The following CARD14 variants were observed in gnomAD, a reference collection of about 807,000 sequenced individuals.
CARD14 encodes caspase recruitment domain-containing protein 14.
CARD14 carries 107 observed loss-of-function variants against 111.5 expected under a neutral mutation model. That is an observed-to-expected ratio of 0.96 (90% CI 0.82 to 1.13). The LOEUF is 1.13. CARD14 is among the 50% of genes most tolerant of loss of function. CARD14 has a pLI of 0.00. For synonymous variants in CARD14, 617 were observed against 579.6 expected, an observed-to-expected ratio of 1.06 and a Z score of -0.93; for missense variants, 1,322 against 1,362.3, an observed-to-expected ratio of 0.97 and a Z score of 0.47.
At position 80,181,717 on chromosome 17, in the gene CARD14, TC is replaced by T. The variant is rs369197913; in HGVS notation, c.211+69del. ...GGCCCACATGGCTCCACTGTCTGCC[TC>T]TGTCTTCAGGGGGTCTCTTCTCGTC... On this transcript the variant is annotated intron_variant, in intron 5 of 23. Coordinates refer to ENST00000648509, the MANE Select transcript of CARD14 (RefSeq NM_001366385.1). The T allele has an allele frequency of 3.5e-5, 49 of 1,404,608 alleles. 1 individual carries two copies. In the African/African-American group the frequency reaches 6.1e-4, roughly 17 times the overall value. The allele number at this position is 1,404,608 out of a possible 1,614,324, so 87.0% of individuals were successfully genotyped here. A position where few individuals can be genotyped will look rare whatever the true frequency, so the allele number is the denominator to read the frequency against.
chr17:80,200,283 C>T (rs1290763441), intron 16 of CARD14, among the ~76,000 whole-genome samples: 2 of 126,990 alleles, frequency 1.6e-5, no homozygotes, highest in East Asian at 4.9e-4. Flanking sequence ...GTCGCCCAGG[C>T]TGGAGTGCAG....
At position 80,202,337 on chromosome 17, in the gene CARD14, C is replaced by T. The variant is rs1261708229; in HGVS notation, c.2136C>T (p.Gly712=). ...ACGTCACCGACACCATGTTCCAGGGCTGCGGCTGCTGGCATGCCCACCGCG... is the reference window on the plus strand; with the variant it reads ...ACGTCACCGACACCATGTTCCAGGGTTGCGGCTGCTGGCATGCCCACCGCG... ...VLHVTDTMFQ[G]CGCWHAHRVN... The change falls in exon 18 of 24, where the codon GGC becomes GGT. Residue 712 remains glycine (G), a synonymous_variant. Transcript: ENST00000648509. 6.2e-7 allele frequency: 1 copy of T among 1,613,456 alleles called. No individual in the cohort carries two copies. Among genetic ancestry groups the T allele is most frequent in the East Asian group, 2.2e-5 (1 of 44,876 alleles).
Position 80,182,670 on chromosome 17 carries a change from C to T in CARD14, c.229C>T (p.Leu77=). 6.2e-7 allele frequency: 1 copy of T among 1,614,142 alleles called. No homozygotes were observed. Among genetic ancestry groups the T allele is most frequent in the Non-Finnish European group, 8.5e-7 (1 of 1,179,996 alleles). ...AMRAGHLLDL[L]KTRGKNGAIA... ...CTCCCAAGGGCACTTGCTGGATTTG[C>T]TGAAGACTCGAGGGAAGAACGGGGC... Residue 77 remains leucine, a synonymous_variant, in exon 6 of 24, where the codon CTG becomes TTG. Coordinates refer to ENST00000648509, the MANE Select transcript of CARD14 (RefSeq NM_001366385.1). This position sits in a 1 kb window ranked among gnomAD's most constrained non-coding sequence, Gnocchi z 4.7.
At position 80,195,563 on chromosome 17, in the gene CARD14, G is replaced by T; in HGVS notation, c.1505G>T (p.Cys502Phe). 6.2e-7 allele frequency: 1 copy of T among 1,611,134 alleles called. No individual in the cohort carries two copies. Among genetic ancestry groups the T allele is most frequent in the South Asian group, 1.1e-5 (1 of 90,856 alleles). The part of the protein sequence containing the change: ...FGEEPWSFSS[C>F]LEIPEGDPGA... Reference sequence around the variant, plus strand: ...CTGCTGCTTATGCTTTGCAGCAGCTGCCTGGAGATCCCGGAGGGAGACCCG... The same window carrying T: ...CTGCTGCTTATGCTTTGCAGCAGCTTCCTGGAGATCCCGGAGGGAGACCCG... The change falls in exon 14 of 24, where the codon TGC (cysteine) becomes TTC (phenylalanine). Residue 502 changes from cysteine (C) to phenylalanine (F), a missense_variant. By Grantham distance (205) the Cys-to-Phe change is radical. Coordinates refer to ENST00000648509, the MANE Select transcript of CARD14 (RefSeq NM_001366385.1). This position sits in a 1 kb window ranked among gnomAD's most constrained non-coding sequence, Gnocchi z 4.7.
Position 80,188,187 on chromosome 17 carries a change from C to T in CARD14, c.676-190C>T. ...TAAGACAGAGCTGAAAGGCCTCTGT[C>T]CTCCCAGCCCCAGTTGAATATTTGG... On this transcript the variant is annotated intron_variant, in intron 7 of 23. Transcript: ENST00000648509. The surrounding 1 kb of genome is among the most constrained non-coding windows in gnomAD (Gnocchi z 4.5). 1.7e-6 allele frequency: 1 copy of T among 581,796 alleles called. No individual in the cohort carries two copies. Among genetic ancestry groups the T allele is most frequent in the Non-Finnish European group, 2.6e-6 (1 of 377,386 alleles). The allele number at this position is 581,796 out of a possible 1,614,324, so 36.0% of individuals were successfully genotyped here.
In CARD14 at chr17:80,183,929, C is replaced by A; in HGVS notation, c.366C>A (p.Ser122=). 1 of 1,519,520 alleles carries A rather than the reference C, an allele frequency of 6.6e-7. No homozygotes were observed. The highest frequency in any genetic ancestry group is 2.3e-5 in the East Asian group (1 of 43,368). The allele number at this position is 1,519,520 out of a possible 1,614,324, so 94.1% of individuals were successfully genotyped here. A position where few individuals can be genotyped will look rare whatever the true frequency, so the allele number is the denominator to read the frequency against. ...TGCCCACAGGTCTCATGGAGACATCCAAGCTGACCGAGTGCCTGGCTGGGG... is the reference window on the plus strand; with the variant it reads ...TGCCCACAGGTCTCATGGAGACATCAAAGCTGACCGAGTGCCTGGCTGGGG... The part of the protein sequence containing the change: ...FSNFSGLMET[S]KLTECLAGAI... The change falls in exon 7 of 24, where the codon TCC becomes TCA. Residue 122 remains serine, a synonymous_variant. Coordinates refer to ENST00000648509, the MANE Select transcript of CARD14 (RefSeq NM_001366385.1).
At chr17:80,185,391 A>AT (rs1303378440) in intron 7 of CARD14, among the ~76,000 whole-genome samples, 1 of 152,066 alleles carries the variant, frequency 6.6e-6, no homozygotes, top group African/African-American at 2.4e-5. Context: ...TTTGTTTTTA[A>AT]TTTTTTACTT....
At position 80,192,491 on chromosome 17, in the gene CARD14, T is replaced by C. The variant is rs2040558879; in HGVS notation, c.1240-12T>C. The C allele has an allele frequency of 1.2e-6, 2 of 1,609,454 alleles. No homozygotes were observed. Among genetic ancestry groups the C allele is most frequent in the African/African-American group, 1.3e-5 (1 of 74,858 alleles). On this transcript the variant is annotated splice_polypyrimidine_tract_variant and intron_variant, in intron 11 of 23. Transcript: ENST00000648509. ...CCCGAATTAACCAGCCTGTCTGGCC[T>C]GTCTTTGGCAGCTCAAGCAGGAAGC...
rs1367570617 is a variant in CARD14, at chr17:80,189,990, A to T, written c.963+118A>T. 2.2e-6 allele frequency: 3 copies of T among 1,387,882 alleles called. No homozygotes were observed. The African/African-American group carries it at 4.6e-5, about 21-fold the overall frequency. The allele number at this position is 1,387,882 out of a possible 1,614,324, so 86.0% of individuals were successfully genotyped here. A position where few individuals can be genotyped will look rare whatever the true frequency, so the allele number is the denominator to read the frequency against. On this transcript the variant is annotated intron_variant, in intron 9 of 23. Transcript: ENST00000648509. The surrounding 1 kb of genome is among the most constrained non-coding windows in gnomAD (Gnocchi z 4.7). ...CGCCGAGCTCACATAATTTTGCTGA[A>T]CGAATCTGTCGGCCTGTTCATCTGT...
At position 80,203,365 on chromosome 17, in the gene CARD14, G is replaced by T; in HGVS notation, c.2220-457G>T. On this transcript the variant is annotated intron_variant, in intron 18 of 23. Transcript: ENST00000648509. The surrounding 1 kb of genome is among the most constrained non-coding windows in gnomAD (Gnocchi z 4.6). The stretch of plus-strand genomic sequence containing the variant: ...ACGGAACGCACAGTGCTAGAAAGCA[G>T]GAGTGTTGAGCTCAGCACCCCCATC... 6.1e-6 allele frequency: 1 copy of T among 163,076 alleles called. No homozygotes were observed. The highest frequency in any genetic ancestry group is 1.3e-5 in the Non-Finnish European group (1 of 75,534). 10.1% of individuals were successfully genotyped at this position (163,076 alleles called of 1,614,324 possible).
In CARD14 at chr17:80,204,267, G is replaced by A; in HGVS notation, c.2324G>A (p.Ser775Asn). ...CCACAGAAGCTGGTCCGCATCGTCA[G>A]TATGGACAAAGCCAAGGCCAGCCCT... ...GGPQKLVRIV[S>N]MDKAKASPLR... The change falls in exon 20 of 24, where the codon AGT (serine) becomes AAT (asparagine). Residue 775 changes from serine to asparagine, a missense_variant. Transcript: ENST00000648509. 6.2e-7 allele frequency: 1 copy of A among 1,600,728 alleles called. No individual in the cohort carries two copies. Among genetic ancestry groups the A allele is most frequent in the South Asian group, 1.1e-5 (1 of 90,142 alleles).
intron 1 of CARD14, among the ~76,000 whole-genome samples, chr17:80,172,226 C>T (rs1043986247): frequency 1.1e-4 from 17 of 152,216 alleles, no homozygotes; most frequent in Admixed American, 2.6e-4. Context: ...GCCTTGTAGG[C>T]GACTGTTTAG....
At position 80,208,328 on chromosome 17, in the gene CARD14, G is replaced by C. The variant is rs766844541; in HGVS notation, c.2998G>C (p.Glu1000Gln). 4.4e-6 allele frequency: 7 copies of C among 1,600,004 alleles called. No individual in the cohort carries two copies. Among genetic ancestry groups the C allele is most frequent in the Non-Finnish European group, 8.5e-7 (1 of 1,173,364 alleles). Residue 1000 changes from glutamate (E) to glutamine (Q), a missense_variant, in exon 24 of 24, where the codon GAG becomes CAG. By Grantham distance (29) the Glu-to-Gln change is conservative. Coordinates refer to ENST00000648509, the MANE Select transcript of CARD14 (RefSeq NM_001366385.1). ...ADEQKKVVWT[E>Q]QSPR ...CGAGCAGAAGAAGGTGGTGTGGACG[G>C]AGCAGAGCCCCCGATGATGCACCGT...
chr17:80,195,704 A>G lies in CARD14; in HGVS notation c.1594+52A>G. 6.8e-7 allele frequency: 1 copy of G among 1,471,740 alleles called. No individual in the cohort carries two copies. Among genetic ancestry groups the G allele is most frequent in the Non-Finnish European group, 9.3e-7 (1 of 1,070,488 alleles). The allele number at this position is 1,471,740 out of a possible 1,614,324, so 91.2% of individuals were successfully genotyped here. A position where few individuals can be genotyped will look rare whatever the true frequency, so the allele number is the denominator to read the frequency against. ...ACAGCAGTCCACCTCCCCTGGGCAG[A>G]GCAGGGAGCTGATGAGAAAGCCGGG... On this transcript the variant is annotated intron_variant, in intron 14 of 23. Coordinates refer to ENST00000648509, the MANE Select transcript of CARD14 (RefSeq NM_001366385.1). This position sits in a 1 kb window ranked among gnomAD's most constrained non-coding sequence, Gnocchi z 4.7.
rs988924591 is a variant in CARD14 at position 80,201,944 on chromosome 17, T to G, written c.1978+74T>G. 2.0e-6 allele frequency: 3 copies of G among 1,512,392 alleles called. No individual in the cohort carries two copies. In the African/African-American group the frequency reaches 4.2e-5, roughly 21 times the overall value. The allele number at this position is 1,512,392 out of a possible 1,614,324, so 93.7% of individuals were successfully genotyped here. A position where few individuals can be genotyped will look rare whatever the true frequency, so the allele number is the denominator to read the frequency against. ...TGACCCTTAAGTCCCTGGTGGTTCT[T>G]CTGCACGCCCAGCAGCCAGGGACCC... On this transcript the variant is annotated intron_variant, in intron 17 of 23. Transcript: ENST00000648509. The surrounding 1 kb of genome is among the most constrained non-coding windows in gnomAD (Gnocchi z 5.0).
At position 80,203,945 on chromosome 17, in the gene CARD14, C is replaced by T. The variant is rs1056027406; in HGVS notation, c.2283+60C>T. The T allele has an allele frequency of 2.3e-5, 32 of 1,384,544 alleles. No individual in the cohort carries two copies. In the African/African-American group the frequency reaches 4.6e-4, roughly 20 times the overall value. 85.8% of individuals were successfully genotyped at this position (1,384,544 alleles called of 1,614,324 possible). On this transcript the variant is annotated intron_variant, in intron 19 of 23. Transcript: ENST00000648509. The surrounding 1 kb of genome is among the most constrained non-coding windows in gnomAD (Gnocchi z 4.6). ...GGTGGGCTGGAAGAGGGGCTCGGTG[C>T]TGGCAGGGTGGCAGGAGGCACTGTG...
At position 80,201,201 on chromosome 17, in the gene CARD14, C is replaced by T. The variant is rs1168746868; in HGVS notation, c.1852-543C>T. ...ATCTTAATTTTTATTGTAAAAATAT[C>T]TACTCTCCTAAGCTTAGAACAATAT... On this transcript the variant is annotated intron_variant, in intron 16 of 23. Coordinates refer to ENST00000648509, the MANE Select transcript of CARD14 (RefSeq NM_001366385.1). The surrounding 1 kb of genome is among the most constrained non-coding windows in gnomAD (Gnocchi z 5.0). The T allele has an allele frequency of 6.5e-6, 1 of 154,540 alleles. No individual in the cohort carries two copies. Among genetic ancestry groups the T allele is most frequent in the South Asian group, 2.0e-4 (1 of 5,076 alleles). The allele number at this position is 154,540 out of a possible 1,614,324, so 9.6% of individuals were successfully genotyped here. A position where few individuals can be genotyped will look rare whatever the true frequency, so the allele number is the denominator to read the frequency against.
intron 11 of CARD14, 37 bp from the exon 12 acceptor site, chr17:80,192,466 C>A: frequency 6.4e-7 from 1 of 1,556,236 alleles, no homozygotes; most frequent in Non-Finnish European, 8.8e-7. Context: ...CGGAACCTTT[C>A]CCGAATTAAC....
chr17:80,170,765 C>CCCCCCTCCCCTCCCG (rs1364767696), intron 1 of CARD14, among the ~76,000 whole-genome samples: 2 of 85,322 alleles, frequency 2.3e-5, no homozygotes, highest in Admixed American at 1.2e-4. Context: ...TCTCTGGGCC[C>CCCCCCTCCCCTCCCG]TCCCCTCCCC....
Sources: gnomAD v4.1 joint callset for allele counts (sites outside exome capture counted in the v4.1 genomes callset) on GRCh38, gnomAD v4.1.1 for gene constraint, Gnocchi (gnomAD v3.1) non-coding constraint, MANE v1.5 for transcripts, NCBI Gene and HGNC (gene_info 2026-07-23, HGNC 2026-07-21) for gene names.